Variants in ABHD2 observed in about 807,000 individuals in gnomAD.
ABHD2 encodes monoacylglycerol lipase ABHD2.
In ABHD2, 20 loss-of-function variants were observed where a neutral mutation model predicts 48.1. The ratio of observed to expected loss-of-function variants is 0.42; its 90% CI spans 0.29 to 0.60. ABHD2 has a LOEUF of 0.60. ABHD2 is among the 20% of genes least tolerant of loss of function. ABHD2 has a pLI of 0.24. For synonymous variants in ABHD2, 209 were observed against 214.2 expected, an observed-to-expected ratio of 0.98 and a Z score of 0.21; for missense variants, 405 against 550.9, an observed-to-expected ratio of 0.74 and a Z score of 2.65.
chr15:89,106,833 G>A lies in ABHD2; in HGVS notation c.-106-6892G>A, dbSNP rs2049793949. Reference sequence around the variant, plus strand: ...TATGTCCCATCTGAAACCAGTGAATGTGACCTTATTTGGAAATTGGGTCTT... The same window carrying A: ...TATGTCCCATCTGAAACCAGTGAATATGACCTTATTTGGAAATTGGGTCTT... On this transcript the variant is annotated intron_variant, in intron 1 of 10. Coordinates refer to ENST00000352732, the MANE Select transcript of ABHD2 (RefSeq NM_152924.5). This position sits in a 1 kb window ranked among gnomAD's most constrained non-coding sequence, Gnocchi z 4.2. Among the ~76,000 whole-genome samples, 1 of 152,174 alleles carries A rather than the reference G, an allele frequency of 6.6e-6. No individual in the cohort carries two copies. Among genetic ancestry groups the A allele is most frequent in the African/African-American group, 2.4e-5 (1 of 41,450 alleles).
Position 89,155,539 on chromosome 15 carries a change from G to C in ABHD2, c.538+5G>C. On this transcript the variant is annotated splice_donor_5th_base_variant and intron_variant, in intron 5 of 10. Transcript: ENST00000352732. This position sits in a 1 kb window ranked among gnomAD's most constrained non-coding sequence, Gnocchi z 4.9. ...CGCCACGCATGTTCACCTATGGTAAGCATGGCTAAGTGGAGTCCTCCCTTT... is the reference window on the plus strand; with the variant it reads ...CGCCACGCATGTTCACCTATGGTAACCATGGCTAAGTGGAGTCCTCCCTTT... 1 of 1,608,036 alleles carries C rather than the reference G, an allele frequency of 6.2e-7. No individual in the cohort carries two copies. Among genetic ancestry groups the C allele is most frequent in the Non-Finnish European group, 8.5e-7 (1 of 1,175,248 alleles).
At chr15:89,181,622 T>C (rs180748037) in intron 6 of ABHD2, among the ~76,000 whole-genome samples, 1 of 152,360 alleles carries the variant, frequency 6.6e-6, no homozygotes, top group Admixed American at 6.5e-5. Flanking sequence ...TGTTTCACTA[T>C]TCTTATAGTC....
chr15:89,095,485 T>C (rs976790725), intron 1 of ABHD2, among the ~76,000 whole-genome samples: 1 of 152,184 alleles, frequency 6.6e-6, no homozygotes, highest in Non-Finnish European at 1.5e-5. Context: ...AAGTGCCACG[T>C]TTTAGTTCTT....
Position 89,155,498 on chromosome 15 carries a change from A to G in ABHD2, c.502A>G (p.Asn168Asp), listed in dbSNP as rs2050658119. Reference sequence around the variant, plus strand: ...GCTGAACCACCTGGGTGCCCTGCCCAACATTGAATTGACCTCGCCACGCAT... The same window carrying G: ...GCTGAACCACCTGGGTGCCCTGCCCGACATTGAATTGACCTCGCCACGCAT... ...AVLNHLGALP[N>D]IELTSPRMFT... Residue 168 changes from asparagine (N) to aspartate (D), a missense_variant, in exon 5 of 11, where the codon AAC (asparagine) becomes GAC (aspartate). Transcript: ENST00000352732. The surrounding 1 kb of genome is among the most constrained non-coding windows in gnomAD (Gnocchi z 4.9). The G allele has an allele frequency of 6.2e-7, 1 of 1,614,026 alleles. No individual in the cohort carries two copies. The highest frequency in any genetic ancestry group is 1.3e-5 in the African/African-American group (1 of 74,920).
chr15:89,095,663 C>G (rs2049600882), intron 1 of ABHD2, among the ~76,000 whole-genome samples: 1 of 152,154 alleles, frequency 6.6e-6, no homozygotes, highest in Non-Finnish European at 1.5e-5. Flanking sequence ...TTCTGAGATA[C>G]AGCATGACCT....
Position 89,197,157 on chromosome 15 carries a change from G to A in ABHD2, c.*1734G>A, listed in dbSNP as rs1440592498. 1 of 152,602 alleles carries A rather than the reference G, an allele frequency of 6.6e-6. No homozygotes were observed. Among genetic ancestry groups the A allele is most frequent in the East Asian group, 1.9e-4 (1 of 5,188 alleles). The allele number at this position is 152,602 out of a possible 1,614,324, so 9.5% of individuals were successfully genotyped here. ...GACGGGACCCGTGGGCATGGGTCCA[G>A]GTCTGTAACCTGAAGAAGTTGTTTT... On this transcript the variant is annotated 3_prime_UTR_variant, in exon 11 of 11. Coordinates refer to ENST00000352732, the MANE Select transcript of ABHD2 (RefSeq NM_152924.5). This position sits in a 1 kb window ranked among gnomAD's most constrained non-coding sequence, Gnocchi z 4.4.
the ABHD2 span, among the ~76,000 whole-genome samples, chr15:89,052,028 C>T: frequency 6.6e-6 from 1 of 152,104 alleles, no homozygotes; most frequent in African/African-American, 2.4e-5. Context: ...GCAAATCAGT[C>T]GTTTGGAATT....
chr15:89,158,457 T>A (rs988127757), intron 5 of ABHD2, among the ~76,000 whole-genome samples: 26 of 152,258 alleles, frequency 1.7e-4, no homozygotes, highest in African/African-American at 6.3e-4. Context: ...GACCAGCAGC[T>A]GAAGAGCAGA....
At chr15:89,047,766 A>T in the ABHD2 span, among the ~76,000 whole-genome samples, 3 of 142,878 alleles carry the variant, frequency 2.1e-5, no homozygotes, top group Non-Finnish European at 4.6e-5. Flanking sequence ...CTTCCTCCAT[A>T]CTTTTATTTT....
chr15:89,174,490 C>T lies in ABHD2; in HGVS notation c.539-1322C>T, dbSNP rs1219312036. On this transcript the variant is annotated intron_variant, in intron 5 of 10. Coordinates refer to ENST00000352732, the MANE Select transcript of ABHD2 (RefSeq NM_152924.5). This position sits in a 1 kb window ranked among gnomAD's most constrained non-coding sequence, Gnocchi z 4.1. ...GCTTAAGAACTGCATGGGGCTGTGC[C>T]GGCCTGGCTTAGGCTACATCCTACC... is the stretch of plus-strand genomic sequence containing the variant. 2.0e-5 allele frequency among the ~76,000 whole-genome samples: 3 copies of T among 152,270 alleles called. No homozygotes were observed. Among genetic ancestry groups the T allele is most frequent in the African/African-American group, 7.2e-5 (3 of 41,554 alleles).
intron 3 of ABHD2, among the ~76,000 whole-genome samples, chr15:89,139,799 G>T (rs987495882): frequency 6.6e-6 from 1 of 152,096 alleles, no homozygotes; most frequent in African/African-American, 2.4e-5. Flanking sequence ...AGAGTGGAGG[G>T]CCTGTGAAGA....
chr15:89,133,978 G>A (rs181372763), intron 3 of ABHD2, among the ~76,000 whole-genome samples: 2 of 151,408 alleles, frequency 1.3e-5, no homozygotes, highest in East Asian at 2.0e-4. Flanking sequence ...CTGGGACTAC[G>A]GGTGCCTGCC....
chr15:89,111,462 A>G (rs1344385655), intron 1 of ABHD2, among the ~76,000 whole-genome samples: 1 of 152,224 alleles, frequency 6.6e-6, no homozygotes, highest in Non-Finnish European at 1.5e-5. Context: ...GGCTCCATTA[A>G]GTTGTCAAGA....
intron 3 of ABHD2, among the ~76,000 whole-genome samples, chr15:89,132,669 T>G (rs2050238997): frequency 6.6e-6 from 1 of 152,262 alleles, no homozygotes; most frequent in South Asian, 2.1e-4. Context: ...TTCATAGTTT[T>G]GAAAGCCATT....
At chr15:89,136,502 T>A (rs1296348616) in intron 3 of ABHD2, 1 of 390,366 alleles carries the variant, frequency 2.6e-6, no homozygotes, top group African/African-American at 2.1e-5. Context: ...CCATGTTTAG[T>A]TATTTTTCCT....
the ABHD2 span, among the ~76,000 whole-genome samples, chr15:89,063,094 A>C: frequency 1.3e-5 from 2 of 151,636 alleles, no homozygotes; most frequent in African/African-American, 4.9e-5. Flanking sequence ...CAGCCATCCA[A>C]GTAGCTAGGA....
intron 1 of ABHD2, among the ~76,000 whole-genome samples, chr15:89,101,524 T>TTA (rs967924167): frequency 1.2e-4 from 19 of 152,292 alleles, no homozygotes; most frequent in African/African-American, 4.3e-4. Context: ...TGCCACAGAC[T>TTA]TAGTCAATTA....
At position 89,179,947 on chromosome 15, in the gene ABHD2, T is replaced by C; in HGVS notation, c.722+3952T>C. Among the ~76,000 whole-genome samples the C allele has an allele frequency of 6.6e-6, 1 of 152,240 alleles. No homozygotes were observed. Among genetic ancestry groups the C allele is most frequent in the East Asian group, 1.9e-4 (1 of 5,204 alleles). ...CACTTTTCCTGCCAAATGGTGGGGATATTGTCTCTCTTGCTTTTGATGGGC... is the reference window on the plus strand; with the variant it reads ...CACTTTTCCTGCCAAATGGTGGGGACATTGTCTCTCTTGCTTTTGATGGGC... On this transcript the variant is annotated intron_variant, in intron 6 of 10. Transcript: ENST00000352732. This position sits in a 1 kb window ranked among gnomAD's most constrained non-coding sequence, Gnocchi z 4.3.
In ABHD2 at chr15:89,188,990, T is replaced by G. The variant is rs985695954; in HGVS notation, c.926+687T>G. Among the ~76,000 whole-genome samples, 1 of 152,172 alleles carries G rather than the reference T, an allele frequency of 6.6e-6. No individual in the cohort carries two copies. Among genetic ancestry groups the G allele is most frequent in the African/African-American group, 2.4e-5 (1 of 41,458 alleles). ...ACTTTGGGGCATGGTGACTCCACTC[T>G]GAGTGTGAGACACAAATACTGCCCA... On this transcript the variant is annotated intron_variant, in intron 8 of 10. Transcript: ENST00000352732. This position sits in a 1 kb window ranked among gnomAD's most constrained non-coding sequence, Gnocchi z 4.1.
Sources: gnomAD v4.1 joint callset for allele counts (sites outside exome capture counted in the v4.1 genomes callset) on GRCh38, gnomAD v4.1.1 for gene constraint, Gnocchi (gnomAD v3.1) non-coding constraint, MANE v1.5 for transcripts, NCBI Gene and HGNC (gene_info 2026-07-23, HGNC 2026-07-21) for gene names.